AQR: variants seen among roughly 807,000 people sequenced by gnomAD.
The protein encoded by AQR is aquarius intron-binding spliceosomal factor.
A neutral mutation model predicts 180.5 loss-of-function variants in AQR; 61 were observed. The observed-to-expected ratio is 0.34, with a 90% CI of 0.28 to 0.42. The LOEUF is 0.42. Ranked by LOEUF, AQR falls within the 10% of genes least tolerant of loss-of-function variation. The pLI, the probability that AQR is intolerant of heterozygous loss-of-function variation, is 1.00. For synonymous variants in AQR, 551 were observed against 588.8 expected (o/e 0.94, Z 0.93); for missense variants, 1,281 against 1,798.3 (o/e 0.71, Z 5.20).
chr15:34,957,928 G>A (rs960469502), intron 3 of AQR, among the ~76,000 whole-genome samples: 1 of 152,088 alleles, frequency 6.6e-6, no homozygotes, highest in African/African-American at 2.4e-5. Context: ...ACATAGCGGT[G>A]GCCGGGCGCA....
Position 34,915,047 on chromosome 15 carries a change from A to T in AQR, c.1475T>A (p.Met492Lys). Residue 492 changes from methionine (M) to lysine (K), a missense_variant, in exon 16 of 35, where the codon ATG becomes AAG. Physicochemically the swap from Met to Lys is moderately conservative, Grantham distance 95 (BLOSUM62 -1). This residue lies in a region of AQR where 200 missense variants were observed against 293.4 expected (regional missense o/e 0.68). Coordinates refer to ENST00000156471, the MANE Select transcript of AQR (RefSeq NM_014691.3). The stretch of plus-strand genomic sequence containing the variant: ...GAACCAATTTACTAACCATGGCTTC[A>T]TTCTGCTGACACTATCTTCAATGTC... ...RQDIEDSVSRMKPWQSEYGGV... is the reference protein window; with the variant it reads ...RQDIEDSVSRKKPWQSEYGGV... 6.2e-7 allele frequency: 1 copy of T among 1,603,566 alleles called. No homozygotes were observed.
rs112707557 is a variant in AQR, at chr15:34,924,735, T to C, written c.1118+2300A>G. 2.4e-3 allele frequency among the ~76,000 whole-genome samples: 366 copies of C among 152,244 alleles called. 4 individuals are homozygous for C. The highest frequency in any genetic ancestry group is 8.1e-3 in the African/African-American group (335 of 41,564). ...CGTGAGCTACCACACCCGGCCTCAA[T>C]TGATATTTTTAAATGAATTAATAAA... On this transcript the variant is annotated intron_variant, in intron 13 of 34. Coordinates refer to ENST00000156471, the MANE Select transcript of AQR (RefSeq NM_014691.3).
intron 1 of AQR, among the ~76,000 whole-genome samples, chr15:34,965,751 T>G (rs1161815279): frequency 6.6e-6 from 1 of 152,192 alleles, no homozygotes; most frequent in Non-Finnish European, 1.5e-5. Context: ...TCACCCCCAG[T>G]TATTCTGTGG....
At chr15:34,916,986 G>C (rs1893604662) in intron 15 of AQR, among the ~76,000 whole-genome samples, 1 of 151,836 alleles carries the variant, frequency 6.6e-6, no homozygotes, top group Admixed American at 6.6e-5. Flanking sequence ...CACCTTGTCA[G>C]CTATCCCAGA....
intron 27 of AQR, among the ~76,000 whole-genome samples, chr15:34,878,549 T>C (rs2140465121): frequency 6.6e-6 from 1 of 152,334 alleles, no homozygotes; most frequent in South Asian, 2.1e-4. Context: ...TGTTCATTTT[T>C]GTTATCATTC....
Position 34,924,794 on chromosome 15 carries a change from T to C in AQR, c.1118+2241A>G, listed in dbSNP as rs181768682. 2.5e-3 allele frequency among the ~76,000 whole-genome samples: 386 copies of C among 152,132 alleles called. 1 individual carries two copies. Among genetic ancestry groups the C allele is most frequent in the African/African-American group, 8.9e-3 (368 of 41,512 alleles). On this transcript the variant is annotated intron_variant, in intron 13 of 34. Transcript: ENST00000156471. ...ATCTTTCCAGTTTTTATTTCTACTA[T>C]AGTGAATATAATGAATATAATACAC...
At position 34,893,669 on chromosome 15, in the gene AQR, G is replaced by A; in HGVS notation, c.2565C>T (p.Ser855=). ...CACACACACAGTCATTTACCTGATT[G>A]GAATGAGTAACAATTAGAGTCCTCT... ...PEQRTLIVTH[S]NQALNQLFEK... is the part of the protein sequence containing the mutation. The change falls in exon 23 of 35, where the codon TCC becomes TCT. Residue 855 remains serine (S), a synonymous_variant. Transcript: ENST00000156471. 6.3e-7 allele frequency: 1 copy of A among 1,583,566 alleles called. No homozygotes were observed. The highest frequency in any genetic ancestry group is 8.7e-7 in the Non-Finnish European group (1 of 1,156,012).
chr15:34,959,094 C>A (rs1306966677), intron 3 of AQR, among the ~76,000 whole-genome samples: 3 of 152,180 alleles, frequency 2.0e-5, no homozygotes, highest in African/African-American at 7.2e-5. Context: ...GGGATCGTAT[C>A]TCCCCTCTTT....
intron 16 of AQR, 48 bp downstream of exon 16, chr15:34,914,990 C>T (rs1355721935): frequency 4.6e-6 from 7 of 1,534,038 alleles, no homozygotes. Flanking sequence ...AGAAGTTTAT[C>T]AGTCACTGTT....
At chr15:34,894,782 ACTG>A (rs1273420938) in intron 22 of AQR, among the ~76,000 whole-genome samples, 1 of 152,166 alleles carries the variant, frequency 6.6e-6, no homozygotes, top group Non-Finnish European at 1.5e-5. Flanking sequence ...GTGACATAAT[ACTG>A]ATTGTAAGTA....
Position 34,920,510 on chromosome 15 carries a change from A to T in AQR, c.1119-76T>A, listed in dbSNP as rs534915888. On this transcript the variant is annotated intron_variant, in intron 13 of 34. Coordinates refer to ENST00000156471, the MANE Select transcript of AQR (RefSeq NM_014691.3). The stretch of plus-strand genomic sequence containing the variant: ...TTTTGAAACATGTATTTTTACAAAT[A>T]GCTTAAAAAAGCAAATATAATACTA... 3.6e-5 allele frequency: 39 copies of T among 1,073,554 alleles called. No homozygotes were observed. The African/African-American group carries it at 6.1e-4, about 17-fold the overall frequency. The allele number at this position is 1,073,554 out of a possible 1,614,324, so 66.5% of individuals were successfully genotyped here. A position where few individuals can be genotyped will look rare whatever the true frequency, so the allele number is the denominator to read the frequency against.
intron 21 of AQR, 40 bp from the exon 22 acceptor site, chr15:34,897,006 G>A (rs1893255810): frequency 2.0e-6 from 3 of 1,491,966 alleles, no homozygotes; most frequent in Non-Finnish European, 2.8e-6. Flanking sequence ...ACAGATAAAT[G>A]ATGCTTTGTA....
intron 7 of AQR, 101 bp downstream of exon 7, chr15:34,941,911 A>G (rs761610900): frequency 1.2e-6 from 1 of 825,840 alleles, no homozygotes; most frequent in Non-Finnish European, 1.7e-6. Flanking sequence ...GAAAAGGGGT[A>G]TTTAGCTACC....
At chr15:34,958,866 C>T (rs1300852764) in intron 3 of AQR, among the ~76,000 whole-genome samples, 1 of 152,180 alleles carries the variant, frequency 6.6e-6, no homozygotes, top group Non-Finnish European at 1.5e-5. Flanking sequence ...GTCCTACTTT[C>T]AGAGAGAATT....
chr15:34,875,129 G>A lies in AQR; in HGVS notation c.3238-265C>T, dbSNP rs114586488. On this transcript the variant is annotated intron_variant, in intron 28 of 34. Coordinates refer to ENST00000156471, the MANE Select transcript of AQR (RefSeq NM_014691.3). The stretch of plus-strand genomic sequence containing the variant: ...GGAATTACCCTACTTTAATAGGCAG[G>A]GTAATCCAAAGAAGGCTGGAAGGAT... Among the ~76,000 whole-genome samples, 1,049 of 152,186 alleles carry A rather than the reference G, an allele frequency of 6.9e-3. 8 individuals carry two copies. The highest frequency in any genetic ancestry group is 0.022 in the African/African-American group (928 of 41,516).
intron 17 of AQR, among the ~76,000 whole-genome samples, chr15:34,909,409 CA>C (rs1486316358): frequency 6.6e-6 from 1 of 152,158 alleles, no homozygotes; most frequent in Non-Finnish European, 1.5e-5. Context: ...TATCTGCCTC[CA>C]AAACAAATTA....
intron 12 of AQR, among the ~76,000 whole-genome samples, chr15:34,928,422 T>C (rs1424879684): frequency 6.6e-6 from 1 of 152,150 alleles, no homozygotes; most frequent in African/African-American, 2.4e-5. Context: ...GTTCAACTCC[T>C]GCTTATGAGT....
In AQR at chr15:34,946,431, G is replaced by GGC. The variant is rs1188582991; in HGVS notation, c.330+1832_330+1833insGC. Among the ~76,000 whole-genome samples, 29 of 15,164 alleles carry GGC rather than the reference G, an allele frequency of 1.9e-3. 4 individuals are homozygous for GGC. The highest frequency in any genetic ancestry group is 8.4e-3 in the Non-Finnish European group (21 of 2,504). 9.9% of individuals were successfully genotyped at this position (15,164 alleles called of 152,430 possible). ...CAGCCGCCCCGTCCGGGAGGGAGGTGGGGGGGGTCAGCCCCCCGCCCGGCC... is the reference window on the plus strand; with the variant it reads ...CAGCCGCCCCGTCCGGGAGGGAGGTGGCGGGGGGGTCAGCCCCCCGCCCGGCC... On this transcript the variant is annotated intron_variant, in intron 5 of 34. Transcript: ENST00000156471.
intron 3 of AQR, among the ~76,000 whole-genome samples, chr15:34,956,143 A>G (rs932287947): frequency 8.5e-5 from 13 of 152,144 alleles, no homozygotes; most frequent in African/African-American, 3.1e-4. Context: ...AAGGCTATAC[A>G]TTTGTTTCAT....
Sources: allele counts gnomAD v4.1 joint callset (sites outside exome capture counted in the v4.1 genomes callset), GRCh38; gene constraint gnomAD v4.1.1; regional missense constraint gnomAD v4.1.1; transcripts MANE v1.5; gene names NCBI Gene and HGNC (gene_info 2026-07-23, HGNC 2026-07-21).